WNT2: variants seen among roughly 807,000 people sequenced by gnomAD.
The protein encoded by WNT2 is Wnt family member 2.
Under a neutral mutation model 36.9 loss-of-function variants are expected in WNT2, and 12 were observed. That is an observed-to-expected ratio of 0.33 (90% CI 0.21 to 0.53). The LOEUF (loss-of-function observed/expected upper bound fraction) is 0.53. WNT2 is among the 20% of genes least tolerant of loss of function. WNT2 has a pLI of 0.95. For synonymous variants in WNT2, 163 were observed against 174.6 expected, an observed-to-expected ratio of 0.93 and a Z score of 0.52; for missense variants, 379 against 473.1, an observed-to-expected ratio of 0.80 and a Z score of 1.84.
chr7:117,312,728 A>G (rs535093415), intron 3 of WNT2, among the ~76,000 whole-genome samples: 5 of 152,336 alleles, frequency 3.3e-5, no homozygotes, highest in South Asian at 2.1e-4. Flanking sequence ...TGCTGAAACT[A>G]TGATTAAATG....
chr7:117,318,735 C>T (rs1291579033), intron 2 of WNT2, among the ~76,000 whole-genome samples: 1 of 152,192 alleles, frequency 6.6e-6, no homozygotes, highest in Non-Finnish European at 1.5e-5. Context: ...TGATCTCGAA[C>T]TCCTGGCCTC....
chr7:117,305,316 G>T (rs1402457956), intron 3 of WNT2, among the ~76,000 whole-genome samples: 1 of 151,986 alleles, frequency 6.6e-6, no homozygotes. Flanking sequence ...GGTTTATTTG[G>T]CTTTCTCTTC....
Position 117,320,643 on chromosome 7 carries a change from G to A in WNT2, c.234C>T (p.His78=), listed in dbSNP as rs146334209. ...AATTCCAGCGGTGCTGGCGGAACTG[G>A]TGCTGGCATTCTGCTGTCCACTCGG... is the stretch of plus-strand genomic sequence containing the variant. ...GVAEWTAECQ[H]QFRQHRWNCN... is the part of the protein sequence containing the mutation. The change falls in exon 2 of 5, where the codon CAC becomes CAT. Residue 78 remains histidine, a synonymous_variant. Coordinates refer to ENST00000265441, the MANE Select transcript of WNT2 (RefSeq NM_003391.3). The A allele has an allele frequency of 2.5e-6, 4 of 1,613,900 alleles. No individual in the cohort carries two copies. Among genetic ancestry groups the A allele is most frequent in the Non-Finnish European group, 3.4e-6 (4 of 1,179,996 alleles).
At chr7:117,299,240 C>T (rs1584685867) in intron 3 of WNT2, among the ~76,000 whole-genome samples, 1 of 152,210 alleles carries the variant, frequency 6.6e-6, no homozygotes, top group Non-Finnish European at 1.5e-5. Context: ...CTGCCACAGA[C>T]ACAACCCTGG....
rs1794550395 is a variant in WNT2, at chr7:117,284,593, C to G, written c.854-6209G>C. On this transcript the variant is annotated intron_variant, in intron 4 of 4. Coordinates refer to ENST00000265441, the MANE Select transcript of WNT2 (RefSeq NM_003391.3). The surrounding 1 kb of genome is among the most constrained non-coding windows in gnomAD (Gnocchi z 5.2). ...AGGGTGAGTTTTCACATTTTCCAAG[C>G]TGAATGGAGTGAAAGTTCATTCATC... is the stretch of plus-strand genomic sequence containing the variant. 6.6e-6 allele frequency among the ~76,000 whole-genome samples: 1 copy of G among 152,220 alleles called. No homozygotes were observed. The highest frequency in any genetic ancestry group is 2.4e-5 in the African/African-American group (1 of 41,464).
intron 1 of WNT2, among the ~76,000 whole-genome samples, chr7:117,321,816 T>A (rs1346664800): frequency 6.6e-6 from 1 of 152,200 alleles, no homozygotes; most frequent in Non-Finnish European, 1.5e-5. Flanking sequence ...CAATCTTTGA[T>A]CCTGTGTCAG....
chr7:117,313,282 T>C (rs1310166542), intron 3 of WNT2, among the ~76,000 whole-genome samples: 2 of 152,242 alleles, frequency 1.3e-5, no homozygotes, highest in Non-Finnish European at 2.9e-5. Context: ...ACTGACATCA[T>C]GCATCTCCTT....
intron 4 of WNT2, among the ~76,000 whole-genome samples, chr7:117,295,360 A>G (rs2116350142): frequency 6.6e-6 from 1 of 152,340 alleles, no homozygotes; most frequent in East Asian, 1.9e-4. Context: ...TACTACAGAT[A>G]TATCTGCTAT....
chr7:117,288,439 T>C (rs1432384627), intron 4 of WNT2, among the ~76,000 whole-genome samples: 1 of 152,186 alleles, frequency 6.6e-6, no homozygotes, highest in Non-Finnish European at 1.5e-5. Context: ...CCTAATAATA[T>C]GAAATTTGCA....
intron 4 of WNT2, among the ~76,000 whole-genome samples, chr7:117,289,012 C>T (rs575834545): frequency 7.5e-5 from 11 of 147,034 alleles, no homozygotes; most frequent in South Asian, 4.3e-4. Flanking sequence ...CAGTTAAAAG[C>T]GATAGATATA....
At chr7:117,290,489 A>G (rs1341157601) in intron 4 of WNT2, among the ~76,000 whole-genome samples, 1 of 152,252 alleles carries the variant, frequency 6.6e-6, no homozygotes, top group East Asian at 1.9e-4. Flanking sequence ...ATGGTGACTT[A>G]TAAGCCTCAG....
intron 4 of WNT2, among the ~76,000 whole-genome samples, chr7:117,283,236 T>C (rs1339075264): frequency 1.5e-4 from 23 of 152,168 alleles, no homozygotes. Context: ...AAGCCACGGG[T>C]GTGAATGAGA....
chr7:117,303,416 G>A (rs1190482960), intron 3 of WNT2, among the ~76,000 whole-genome samples: 3 of 152,182 alleles, frequency 2.0e-5, no homozygotes, highest in African/African-American at 4.8e-5. Context: ...GCTTTGGAGG[G>A]AATGAAAGAT....
At position 117,278,187 on chromosome 7, in the gene WNT2, G is replaced by A. The variant is rs761079246; in HGVS notation, c.1051C>T (p.Pro351Ser). 3.7e-6 allele frequency: 6 copies of A among 1,614,110 alleles called. No homozygotes were observed. Among genetic ancestry groups the A allele is most frequent in the African/African-American group, 2.7e-5 (2 of 74,944 alleles). The change falls in exon 5 of 5, where the codon CCC becomes TCC. Residue 351 changes from proline (P) to serine (S), a missense_variant. Pro to Ser is a moderately conservative substitution (Grantham distance 74). Coordinates refer to ENST00000265441, the MANE Select transcript of WNT2 (RefSeq NM_003391.3). ...EALDVHTCKA[P>S]KNADWTTAT Reference sequence around the variant, plus strand: ...GCGGTTGTCCAGTCAGCGTTCTTGGGGGCCTTGCATGTGTGCACATCCAGA... The same window carrying A: ...GCGGTTGTCCAGTCAGCGTTCTTGGAGGCCTTGCATGTGTGCACATCCAGA...
chr7:117,295,869 G>A (rs906534768), intron 4 of WNT2, among the ~76,000 whole-genome samples: 5 of 152,164 alleles, frequency 3.3e-5, no homozygotes, highest in African/African-American at 7.2e-5. Context: ...AGATGTGAAC[G>A]TGGTTCTTGG....
At chr7:117,306,200 C>A (rs1562828410) in intron 3 of WNT2, among the ~76,000 whole-genome samples, 1 of 151,914 alleles carries the variant, frequency 6.6e-6, no homozygotes, top group African/African-American at 2.4e-5. Context: ...AATTTAAACC[C>A]TTTTTTTTCT....
At chr7:117,294,621 A>G (rs904877882) in intron 4 of WNT2, among the ~76,000 whole-genome samples, 3 of 151,368 alleles carry the variant, frequency 2.0e-5, no homozygotes, top group African/African-American at 7.2e-5. Flanking sequence ...AGAATAGGGT[A>G]GATCTTGGTT....
At chr7:117,305,169 A>G (rs1378673503) in intron 3 of WNT2, among the ~76,000 whole-genome samples, 1 of 152,170 alleles carries the variant, frequency 6.6e-6, no homozygotes, top group Admixed American at 6.5e-5. Flanking sequence ...ATTTTCTTCA[A>G]TCACAAAACT....
intron 4 of WNT2, among the ~76,000 whole-genome samples, chr7:117,283,289 A>G (rs558912681): frequency 6.6e-6 from 1 of 152,336 alleles, no homozygotes; most frequent in East Asian, 1.9e-4. Context: ...GTATCCCAGA[A>G]GTGACTCTTA....
Sources: gnomAD v4.1 joint callset for allele counts (sites outside exome capture counted in the v4.1 genomes callset) on GRCh38, gnomAD v4.1.1 for gene constraint, Gnocchi (gnomAD v3.1) non-coding constraint, MANE v1.5 for transcripts, NCBI Gene and HGNC (gene_info 2026-07-23, HGNC 2026-07-21) for gene names.